Variants in GREB1L observed in about 807,000 individuals in gnomAD.
The protein encoded by GREB1L is GREB1 like retinoic acid receptor coactivator.
Under a neutral mutation model 200.8 loss-of-function variants are expected in GREB1L, and 17 were observed. The ratio of observed to expected loss-of-function variants is 0.08; its 90% CI spans 0.06 to 0.13. The LOEUF is 0.13. Among genes scored for constraint, GREB1L ranks in the 10% least tolerant of loss-of-function variants. The pLI is 1.00. For missense variants in GREB1L, 1,657 were observed against 2,367.7 expected (o/e 0.70, Z 6.23); for synonymous variants, 789 against 893.0 (o/e 0.88, Z 2.08).
At chr18:21,448,527 C>T (rs1383137026) in intron 11 of GREB1L, among the ~76,000 whole-genome samples, 2 of 152,166 alleles carry the variant, frequency 1.3e-5, no homozygotes, top group Admixed American at 6.5e-5. Flanking sequence ...TCCAGCCCAT[C>T]ACCCCTTTGT....
chr18:21,515,953 T>A (rs2037402068), intron 29 of GREB1L, among the ~76,000 whole-genome samples: 1 of 152,178 alleles, frequency 6.6e-6, no homozygotes, highest in Admixed American at 6.5e-5. Context: ...CATCTAAGAT[T>A]AAGCCTCCTT....
intron 2 of GREB1L, among the ~76,000 whole-genome samples, chr18:21,376,592 C>T (rs2040081384): frequency 6.6e-6 from 1 of 151,364 alleles, no homozygotes; most frequent in Non-Finnish European, 1.5e-5. Context: ...ATCACGAGGT[C>T]CGGAGATGGA....
chr18:21,347,672 G>C (rs781245004), intron 1 of GREB1L, among the ~76,000 whole-genome samples: 56 of 150,762 alleles, frequency 3.7e-4, no homozygotes, highest in Non-Finnish European at 6.8e-4. Flanking sequence ...GCCCAGACTA[G>C]TCTCGAACTC....
At chr18:21,504,625 C>G (rs2036937151) in intron 23 of GREB1L, among the ~76,000 whole-genome samples, 1 of 152,164 alleles carries the variant, frequency 6.6e-6, no homozygotes, top group African/African-American at 2.4e-5. Context: ...TGCTTGAGCC[C>G]AGCAGTTCAA....
chr18:21,386,161 A>G (rs781598424), intron 4 of GREB1L, among the ~76,000 whole-genome samples: 29 of 152,338 alleles, frequency 1.9e-4, no homozygotes, highest in Non-Finnish European at 3.8e-4. Context: ...CTAGTCCTAC[A>G]CTTAGATTCC....
At chr18:21,476,515 T>C (rs115848994) in intron 16 of GREB1L, among the ~76,000 whole-genome samples, 2,642 of 152,212 alleles carry the variant, frequency 0.017, 73 homozygotes, top group African/African-American at 0.059. Flanking sequence ...TTGGGTGATA[T>C]TTCTGAGGAT....
chr18:21,487,471 A>G (rs577771225), intron 18 of GREB1L, among the ~76,000 whole-genome samples: 1 of 152,316 alleles, frequency 6.6e-6, no homozygotes, highest in South Asian at 2.1e-4. Flanking sequence ...CCTCCAACCC[A>G]GTCACCCCAG....
At chr18:21,389,130 T>C (rs370630980) in intron 4 of GREB1L, among the ~76,000 whole-genome samples, 29 of 152,262 alleles carry the variant, frequency 1.9e-4, no homozygotes, top group East Asian at 1.2e-3. Flanking sequence ...GAAATTCTAC[T>C]GCCTGGGAAT....
At chr18:21,412,051 CAA>C (rs962603456) in intron 7 of GREB1L, among the ~76,000 whole-genome samples, 1 of 30,504 alleles carries the variant, frequency 3.3e-5, no homozygotes. Flanking sequence ...GACTCCGTCT[CAA>C]AAAAAAAAAA....
chr18:21,363,279 T>TCCCCCCCCCCCCCCCCCC (rs71369899), intron 1 of GREB1L, among the ~76,000 whole-genome samples: 1 of 5,004 alleles, frequency 2.0e-4, no homozygotes, highest in African/African-American at 7.9e-4. Flanking sequence ...CCACTCCGCC[T>TCCCCCCCCCCCCCCCCCC]CCCCCCCGCC....
At chr18:21,256,211 A>G (rs191188864) in intron 1 of GREB1L, among the ~76,000 whole-genome samples, 1 of 152,334 alleles carries the variant, frequency 6.6e-6, no homozygotes, top group Non-Finnish European at 1.5e-5. Context: ...TTTCTGTTGC[A>G]AATGAACTCC....
chr18:21,461,241 C>A (rs1374905770), intron 15 of GREB1L, among the ~76,000 whole-genome samples: 2 of 152,140 alleles, frequency 1.3e-5, no homozygotes, highest in African/African-American at 4.8e-5. Context: ...ACACGCCTCA[C>A]CCCAGATAGA....
intron 11 of GREB1L, among the ~76,000 whole-genome samples, chr18:21,448,303 C>A (rs2034342883): frequency 6.6e-6 from 1 of 152,146 alleles, no homozygotes; most frequent in Non-Finnish European, 1.5e-5. Context: ...CTGGCCTCCA[C>A]CCAATCCTGG....
intron 11 of GREB1L, among the ~76,000 whole-genome samples, chr18:21,446,059 C>A (rs1316507968): frequency 6.6e-6 from 1 of 152,168 alleles, no homozygotes; most frequent in Non-Finnish European, 1.5e-5. Context: ...GAGTCTCACT[C>A]TGTTTCCCAG....
intron 27 of GREB1L, among the ~76,000 whole-genome samples, chr18:21,509,781 G>C (rs886854760): frequency 1.3e-5 from 2 of 151,992 alleles, no homozygotes; most frequent in African/African-American, 4.8e-5. Flanking sequence ...TCTCATCCTA[G>C]ATCTGACCAA....
intron 18 of GREB1L, 116 bp downstream of exon 18, chr18:21,485,869 C>T (rs780679676): frequency 1.2e-4 from 111 of 902,732 alleles, no homozygotes; most frequent in Admixed American, 5.3e-4. Context: ...TTGCAGATGA[C>T]GTGCAAAGGC....
chr18:21,393,853 C>T (rs537770620), intron 4 of GREB1L, among the ~76,000 whole-genome samples: 5 of 152,286 alleles, frequency 3.3e-5, no homozygotes, highest in African/African-American at 7.2e-5. Context: ...TGAGCCACTG[C>T]GCCCGGCCTG....
chr18:21,379,731 A>C (rs1260582160), intron 2 of GREB1L, among the ~76,000 whole-genome samples: 2 of 152,194 alleles, frequency 1.3e-5, no homozygotes, highest in African/African-American at 4.8e-5. Context: ...ATTTTGGTTT[A>C]GACGCATAAA....
Position 21,490,218 on chromosome 18 carries a change from A to G in GREB1L, c.2897A>G (p.Gln966Arg), listed in dbSNP as rs1331691520. Residue 966 changes from glutamine to arginine, a missense_variant, in exon 19 of 33, where the codon CAG becomes CGG. Coordinates refer to ENST00000424526, the MANE Select transcript of GREB1L (RefSeq NM_001142966.3). ...HMLIIRVPSVQLAMLAKERLQ... is the reference protein window; with the variant it reads ...HMLIIRVPSVRLAMLAKERLQ... Reference sequence around the variant, plus strand: ...CTCATTATCAGGGTGCCCTCGGTGCAGCTGGCGATGTTAGCCAAGGAGCGG... The same window carrying G: ...CTCATTATCAGGGTGCCCTCGGTGCGGCTGGCGATGTTAGCCAAGGAGCGG... 2 of 1,551,858 alleles carry G rather than the reference A, an allele frequency of 1.3e-6. No homozygotes were observed. The highest frequency in any genetic ancestry group is 1.7e-6 in the Non-Finnish European group (2 of 1,147,048).
Sources: gnomAD v4.1 joint callset for allele counts (sites outside exome capture counted in the v4.1 genomes callset) on GRCh38, gnomAD v4.1.1 for gene constraint, MANE v1.5 for transcripts, NCBI Gene and HGNC (gene_info 2026-07-23, HGNC 2026-07-21) for gene names.